MOB3B: variants seen among roughly 807,000 people sequenced by gnomAD.
MOB3B encodes the protein MOB kinase activator-like 2B.
MOB3B carries 7 observed loss-of-function variants against 18.7 expected under a neutral mutation model. That is an observed-to-expected ratio of 0.37 (90% CI 0.21 to 0.70). The LOEUF (loss-of-function observed/expected upper bound fraction) is 0.70, where lower values mean the gene tolerates loss of function less well. Among genes scored for constraint, MOB3B ranks in the 30% least tolerant of loss-of-function variants. The pLI is 0.52. For synonymous variants in MOB3B, 111 were observed against 99.9 expected, an observed-to-expected ratio of 1.11 and a Z score of -0.66; for missense variants, 253 against 281.3, an observed-to-expected ratio of 0.90 and a Z score of 0.72.
intron 1 of MOB3B, among the ~76,000 whole-genome samples, chr9:27,478,019 T>C (rs1009420669): frequency 6.6e-6 from 1 of 152,230 alleles, no homozygotes; most frequent in Non-Finnish European, 1.5e-5. Flanking sequence ...TAAGTCTGAA[T>C]TGTGCTCCAG....
At chr9:27,524,881 C>T (rs748538048) in intron 1 of MOB3B, 6 of 1,613,216 alleles carry the variant, frequency 3.7e-6, no homozygotes, top group South Asian at 1.1e-5. Flanking sequence ...AGTGACTGTG[C>T]CTGGGAGATT....
intron 1 of MOB3B, among the ~76,000 whole-genome samples, chr9:27,460,687 A>C (rs7873431): frequency 0.055 from 8,328 of 152,206 alleles, 605 homozygotes; most frequent in African/African-American, 0.17. Flanking sequence ...CTTATCTGTG[A>C]GGTGGAGGAC....
At chr9:27,338,171 G>A (rs1335542293) in intron 3 of MOB3B, among the ~76,000 whole-genome samples, 1 of 152,048 alleles carries the variant, frequency 6.6e-6, no homozygotes, top group Non-Finnish European at 1.5e-5. Flanking sequence ...TCCCGCCCCT[G>A]TCTGTGGCCT....
At chr9:27,409,007 G>C (rs1822025695) in intron 2 of MOB3B, among the ~76,000 whole-genome samples, 1 of 152,184 alleles carries the variant, frequency 6.6e-6, no homozygotes, top group Non-Finnish European at 1.5e-5. Context: ...GTGCCAACCA[G>C]TGTACAAGTA....
intron 2 of MOB3B, among the ~76,000 whole-genome samples, chr9:27,389,683 T>C (rs903225443): frequency 1.3e-5 from 2 of 152,230 alleles, no homozygotes; most frequent in Admixed American, 1.3e-4. Flanking sequence ...GCCAGGGCTC[T>C]GTCTGTTTTA....
At chr9:27,368,372 A>ACG in intron 2 of MOB3B, among the ~76,000 whole-genome samples, 1 of 151,840 alleles carries the variant, frequency 6.6e-6, no homozygotes. Flanking sequence ...ACACACACAC[A>ACG]CACACACACA....
At chr9:27,432,282 G>A (rs187345035) in intron 2 of MOB3B, among the ~76,000 whole-genome samples, 4 of 151,178 alleles carry the variant, frequency 2.6e-5, no homozygotes, top group Admixed American at 2.6e-4. Context: ...TCTATGTGCT[G>A]AATTTCTTTC....
chr9:27,466,533 G>A (rs1182159681), intron 1 of MOB3B, among the ~76,000 whole-genome samples: 1 of 151,948 alleles, frequency 6.6e-6, no homozygotes, highest in Non-Finnish European at 1.5e-5. Context: ...CACTCTACTG[G>A]TACCAATTTA....
rs58115889 is a variant in MOB3B, at chr9:27,343,700, C to CTTTT, written c.622-13088_622-13085dup. Among the ~76,000 whole-genome samples, 804 of 123,924 alleles carry CTTTT rather than the reference C, an allele frequency of 6.5e-3. 21 individuals are homozygous for CTTTT. Among genetic ancestry groups the CTTTT allele is most frequent in the African/African-American group, 0.024 (760 of 31,946 alleles). The allele number at this position is 123,924 out of a possible 152,430, so 81.3% of individuals were successfully genotyped here. A position where few individuals can be genotyped will look rare whatever the true frequency, so the allele number is the denominator to read the frequency against. On this transcript the variant is annotated intron_variant, in intron 3 of 3. Coordinates refer to ENST00000262244, the MANE Select transcript of MOB3B (RefSeq NM_024761.5). ...TTTATTATGAGGCTGGAATTTTAGC[C>CTTTT]TTTTTTTTTTTTTTTTTTTAGCAGT...
chr9:27,333,258 A>C (rs1265104515), intron 3 of MOB3B, among the ~76,000 whole-genome samples: 2 of 152,186 alleles, frequency 1.3e-5, no homozygotes, highest in East Asian at 1.9e-4. Context: ...CAGAAACATC[A>C]GGAAAGACAT....
chr9:27,490,969 A>G (rs7046653), intron 1 of MOB3B, among the ~76,000 whole-genome samples: 96,133 of 147,204 alleles, frequency 0.65, 31,678 homozygotes, highest in Non-Finnish European at 0.73. Context: ...TAGATAGCAC[A>G]TCATACAGCC....
At chr9:27,373,811 T>A (rs919037763) in intron 2 of MOB3B, among the ~76,000 whole-genome samples, 8 of 152,372 alleles carry the variant, frequency 5.3e-5, no homozygotes, top group African/African-American at 1.9e-4. Flanking sequence ...GTTTTCCCTA[T>A]TTTGTGGATG....
intron 2 of MOB3B, among the ~76,000 whole-genome samples, chr9:27,383,477 CAA>C (rs1821607646): frequency 1.3e-5 from 2 of 152,152 alleles, no homozygotes; most frequent in Non-Finnish European, 2.9e-5. Context: ...TGATTCTAGA[CAA>C]ATAACAGAGA....
intron 3 of MOB3B, among the ~76,000 whole-genome samples, chr9:27,354,645 G>A (rs1425343500): frequency 6.6e-6 from 1 of 152,170 alleles, no homozygotes; most frequent in African/African-American, 2.4e-5. Context: ...GAATGGAGGT[G>A]CATCATCCTT....
chr9:27,448,845 G>A (rs1446266335), intron 2 of MOB3B, among the ~76,000 whole-genome samples: 1 of 152,020 alleles, frequency 6.6e-6, no homozygotes, highest in African/African-American at 2.4e-5. Flanking sequence ...CTATTATGGG[G>A]GCTCTGTTAT....
rs1490667056 is a variant in MOB3B, at chr9:27,330,415, G to T, written c.*172C>A. On this transcript the variant is annotated 3_prime_UTR_variant, in exon 4 of 4. Transcript: ENST00000262244. ...GGTCTGGGCTAGCAGCACTCAGAAG[G>T]TTAAGAGCACACAAAGTGAGTGGGG... is the stretch of plus-strand genomic sequence containing the variant. 2 of 793,352 alleles carry T rather than the reference G, an allele frequency of 2.5e-6. No homozygotes were observed. Among genetic ancestry groups the T allele is most frequent in the Non-Finnish European group, 4.0e-6 (2 of 503,870 alleles). 49.1% of individuals were successfully genotyped at this position (793,352 alleles called of 1,614,324 possible). A position where few individuals can be genotyped will look rare whatever the true frequency, so the allele number is the denominator to read the frequency against.
intron 3 of MOB3B, among the ~76,000 whole-genome samples, chr9:27,347,470 G>A (rs1231769087): frequency 6.6e-6 from 1 of 152,262 alleles, no homozygotes; most frequent in Non-Finnish European, 1.5e-5. Context: ...TTTGCATAAT[G>A]GGTGCCATAG....
chr9:27,401,098 A>G (rs1439692063), intron 2 of MOB3B, among the ~76,000 whole-genome samples: 1 of 152,204 alleles, frequency 6.6e-6, no homozygotes, highest in African/African-American at 2.4e-5. Flanking sequence ...GAAGCCCAGC[A>G]ATGGAACCGG....
chr9:27,481,442 G>C (rs1253861354), intron 1 of MOB3B, among the ~76,000 whole-genome samples: 1 of 151,396 alleles, frequency 6.6e-6, no homozygotes, highest in Non-Finnish European at 1.5e-5. Context: ...GGAGACAATA[G>C]AGTGTGGTGG....
Sources: gnomAD v4.1 joint callset for allele counts (sites outside exome capture counted in the v4.1 genomes callset) on GRCh38, gnomAD v4.1.1 for gene constraint, MANE v1.5 for transcripts, NCBI Gene and HGNC (gene_info 2026-07-23, HGNC 2026-07-21) for gene names.